Variants in RNLS observed in about 807,000 individuals in gnomAD.
The protein encoded by RNLS is renalase.
A neutral mutation model predicts 39.8 loss-of-function variants in RNLS; 39 were observed. The observed-to-expected ratio is 0.98, with a 90% CI of 0.76 to 1.28. The LOEUF is 1.28. RNLS is among the 50% of genes most tolerant of loss of function. The pLI is 0.00. For missense variants in RNLS, 410 were observed against 413.3 expected (o/e 0.99, Z 0.07); for synonymous variants, 147 against 150.7 (o/e 0.98, Z 0.18).
At chr10:88,568,766 C>T (rs1027656879) in intron 4 of RNLS, among the ~76,000 whole-genome samples, 12 of 152,210 alleles carry the variant, frequency 7.9e-5, no homozygotes, top group African/African-American at 2.7e-4. Flanking sequence ...CCTGGCTGCA[C>T]AGTAGCATTA....
intron 4 of RNLS, among the ~76,000 whole-genome samples, chr10:88,415,075 C>T (rs1853931892): frequency 6.6e-6 from 1 of 152,100 alleles, no homozygotes; most frequent in African/African-American, 2.4e-5. Flanking sequence ...ATGCTCCTGG[C>T]ATGTAGGATG....
chr10:88,190,125 C>T, the RNLS span, among the ~76,000 whole-genome samples: 6 of 152,220 alleles, frequency 3.9e-5, no homozygotes, highest in Admixed American at 6.5e-5. Context: ...TTCTCTGAAC[C>T]GCTGAGTTCT....
At chr10:88,221,852 T>A in the RNLS span, among the ~76,000 whole-genome samples, 3 of 152,148 alleles carry the variant, frequency 2.0e-5, no homozygotes, top group Admixed American at 6.5e-5. Context: ...GGCCTCAGCA[T>A]GCCTCTAAGC....
chr10:88,282,569 C>T (rs1000644191), downstream of RNLS, among the ~76,000 whole-genome samples: 6 of 151,598 alleles, frequency 4.0e-5, no homozygotes, highest in African/African-American at 1.5e-4. Context: ...AAAATTGACC[C>T]TGTTCTCTTC....
intron 3 of RNLS, among the ~76,000 whole-genome samples, chr10:88,579,278 C>T (rs1208900883): frequency 1.3e-5 from 2 of 152,148 alleles, no homozygotes; most frequent in African/African-American, 4.8e-5. Flanking sequence ...TAGGTCATGA[C>T]CCTCTCTGGA....
intron 6 of RNLS, among the ~76,000 whole-genome samples, chr10:88,293,518 TTATATA>T (rs1204364483): frequency 2.6e-5 from 4 of 152,192 alleles, no homozygotes; most frequent in Non-Finnish European, 5.9e-5. Context: ...TAAGTGCATT[TTATATA>T]TATAATATGT....
chr10:88,292,693 G>A (rs971308969), intron 6 of RNLS, among the ~76,000 whole-genome samples: 1 of 151,902 alleles, frequency 6.6e-6, no homozygotes, highest in Non-Finnish European at 1.5e-5. Flanking sequence ...AGCCTTGACA[G>A]CAGATGGAGA....
intron 4 of RNLS, among the ~76,000 whole-genome samples, chr10:88,392,081 T>TA (rs1417308065): frequency 6.6e-6 from 1 of 152,222 alleles, no homozygotes; most frequent in East Asian, 1.9e-4. Flanking sequence ...TGACTTGACT[T>TA]AGAGTTCACC....
intron 4 of RNLS, among the ~76,000 whole-genome samples, chr10:88,439,481 G>A (rs1241882953): frequency 6.6e-6 from 1 of 152,162 alleles, no homozygotes; most frequent in Admixed American, 6.5e-5. Context: ...ATTTTTGTGA[G>A]TTAGGGTGGT....
chr10:88,219,980 G>A, the RNLS span, among the ~76,000 whole-genome samples: 1 of 152,124 alleles, frequency 6.6e-6, no homozygotes, highest in African/African-American at 2.4e-5. Flanking sequence ...GAGCTGAGCT[G>A]GTACCCTGAT....
chr10:88,481,159 A>C (rs1190319148), intron 4 of RNLS, among the ~76,000 whole-genome samples: 1 of 152,142 alleles, frequency 6.6e-6, no homozygotes, highest in Non-Finnish European at 1.5e-5. Flanking sequence ...TACTGTTTGC[A>C]TAATATATCT....
chr10:88,210,620 G>A, the RNLS span, among the ~76,000 whole-genome samples: 1 of 152,174 alleles, frequency 6.6e-6, no homozygotes, highest in South Asian at 2.1e-4. Context: ...ACATTTTAAT[G>A]TTTTTCTTTT....
the RNLS span, among the ~76,000 whole-genome samples, chr10:88,176,189 T>G: frequency 1.3e-5 from 2 of 152,138 alleles, no homozygotes; most frequent in South Asian, 4.2e-4. Flanking sequence ...TTTTTTTTCT[T>G]TTTTGAGACG....
intron 4 of RNLS, among the ~76,000 whole-genome samples, chr10:88,508,508 T>C (rs146201287): frequency 1.2e-3 from 177 of 152,280 alleles, no homozygotes; most frequent in African/African-American, 4.1e-3. Flanking sequence ...TTATTTGGCA[T>C]CAGTGTTTGG....
intron 4 of RNLS, among the ~76,000 whole-genome samples, chr10:88,551,635 C>A (rs1189348969): frequency 6.6e-6 from 1 of 151,586 alleles, no homozygotes; most frequent in Non-Finnish European, 1.5e-5. Flanking sequence ...TTCAAAAAAT[C>A]TTTAAAATAT....
At chr10:88,252,994 C>T in the RNLS span, among the ~76,000 whole-genome samples, 1 of 152,214 alleles carries the variant, frequency 6.6e-6, no homozygotes, top group South Asian at 2.1e-4. Flanking sequence ...GACACCAGAA[C>T]TCAGGCTTTT....
the RNLS span, among the ~76,000 whole-genome samples, chr10:88,205,232 C>CA: frequency 4.2e-4 from 64 of 152,112 alleles, no homozygotes; most frequent in African/African-American, 1.4e-3. Context: ...CTGGGACTAG[C>CA]AAAAAGTAAA....
In RNLS at chr10:88,482,126, T is replaced by C. The variant is rs551677847; in HGVS notation, c.526+90777A>G. ...ACAGTTTGACTGTTGTGTGTCGAGA[T>C]GTGGATGGTTTTGTGTTCATACTAC... On this transcript the variant is annotated intron_variant, in intron 4 of 6. Coordinates refer to ENST00000331772, the MANE Select transcript of RNLS (RefSeq NM_001031709.3). Among the ~76,000 whole-genome samples the C allele has an allele frequency of 2.6e-5, 4 of 152,334 alleles. No individual in the cohort carries two copies. In the East Asian group the frequency reaches 7.7e-4, roughly 29 times the overall value.
chr10:88,176,341 A>AT, the RNLS span, among the ~76,000 whole-genome samples: 2 of 151,858 alleles, frequency 1.3e-5, no homozygotes, highest in Admixed American at 6.6e-5. Context: ...CACCTGGCTA[A>AT]TTTTTTTGTA....
Sources: gnomAD v4.1 joint callset for allele counts (sites outside exome capture counted in the v4.1 genomes callset) on GRCh38, gnomAD v4.1.1 for gene constraint, MANE v1.5 for transcripts, NCBI Gene and HGNC (gene_info 2026-07-23, HGNC 2026-07-21) for gene names.